PTK2B: variants seen among roughly 807,000 people sequenced by gnomAD.
PTK2B encodes protein-tyrosine kinase 2-beta.
PTK2B carries 71 observed loss-of-function variants against 142.9 expected under a neutral mutation model. That is an observed-to-expected ratio of 0.50 (90% CI 0.41 to 0.61). The LOEUF is 0.61. Among genes scored for constraint, PTK2B ranks in the 20% least tolerant of loss-of-function variants. PTK2B has a pLI of 0.00. For synonymous variants in PTK2B, 519 were observed against 503.4 expected (o/e 1.03, Z -0.42); for missense variants, 1,105 against 1,320.4 (o/e 0.84, Z 2.53).
In PTK2B at chr8:27,458,563, C is replaced by A; in HGVS notation, c.*54C>A. 1 of 1,519,478 alleles carries A rather than the reference C, an allele frequency of 6.6e-7. No homozygotes were observed. The highest frequency in any genetic ancestry group is 8.9e-7 in the Non-Finnish European group (1 of 1,125,516). 94.1% of individuals were successfully genotyped at this position (1,519,478 alleles called of 1,614,324 possible). A position where few individuals can be genotyped will look rare whatever the true frequency, so the allele number is the denominator to read the frequency against. On this transcript the variant is annotated 3_prime_UTR_variant, in exon 31 of 31. Coordinates refer to ENST00000346049, the MANE Select transcript of PTK2B (RefSeq NM_173176.3). ...TTCCGCCCCTGCCTGCCATGTACCT[C>A]CCCTGCCTTGCTGTTGGTCATGTGG...
chr8:27,346,251 T>G (rs1236008500), intron 1 of PTK2B, among the ~76,000 whole-genome samples: 1 of 152,212 alleles, frequency 6.6e-6, no homozygotes, highest in Admixed American at 6.5e-5. Flanking sequence ...GTACTTGCTT[T>G]CTTTGCGGGG....
chr8:27,375,512 T>C (rs1586187188), intron 1 of PTK2B, among the ~76,000 whole-genome samples: 1 of 152,304 alleles, frequency 6.6e-6, no homozygotes, highest in East Asian at 1.9e-4. Flanking sequence ...TTCTGACCTG[T>C]AGATCCAGGG....
chr8:27,434,375 G>C (rs1186769725), intron 12 of PTK2B, 138 bp from the exon 13 acceptor site: 13 of 1,110,244 alleles, frequency 1.2e-5, no homozygotes, highest in Admixed American at 2.5e-5. Flanking sequence ...AGCAGCCTGG[G>C]CTGTGCTCCC....
chr8:27,431,118 C>A, intron 8 of PTK2B, 102 bp downstream of exon 8: 1 of 1,519,388 alleles, frequency 6.6e-7, no homozygotes. Context: ...GCTGCAGATT[C>A]TCACTCAGGC....
At chr8:27,397,467 G>A (rs754936774) in intron 1 of PTK2B, 81 bp from the exon 2 acceptor site, 23 of 1,064,654 alleles carry the variant, frequency 2.2e-5, no homozygotes, top group African/African-American at 1.2e-4. Flanking sequence ...CTTGGAGCTC[G>A]GTGGGTGCTG....
At chr8:27,384,429 T>C (rs757843937) in intron 1 of PTK2B, among the ~76,000 whole-genome samples, 5 of 152,256 alleles carry the variant, frequency 3.3e-5, no homozygotes, top group Non-Finnish European at 5.9e-5. Flanking sequence ...GTGGAGTCTT[T>C]AGGTGTTTCT....
chr8:27,313,547 G>A (rs143259815), intron 3 of PTK2B, among the ~76,000 whole-genome samples: 1 of 152,266 alleles, frequency 6.6e-6, no homozygotes, highest in East Asian at 1.9e-4. Flanking sequence ...CCCACTTCTG[G>A]AGTCTTGCTG....
At chr8:27,356,362 C>A (rs1255691330) in intron 1 of PTK2B, among the ~76,000 whole-genome samples, 2 of 152,210 alleles carry the variant, frequency 1.3e-5, no homozygotes, top group Non-Finnish European at 2.9e-5. Context: ...CTGCAAGAGT[C>A]TGGCCAGGGA....
chr8:27,445,962 G>A lies in PTK2B; in HGVS notation c.2340+43G>A, dbSNP rs147967636. ...GCTGGTCCCTGCCCGGACTGAGGAG[G>A]CTGCTGGAGGGAGGTGGCCGGGGAC... On this transcript the variant is annotated intron_variant, in intron 24 of 30. Coordinates refer to ENST00000346049, the MANE Select transcript of PTK2B (RefSeq NM_173176.3). 1.6e-4 allele frequency: 254 copies of A among 1,609,194 alleles called. No individual in the cohort carries two copies. In the African/African-American group the frequency reaches 2.9e-3, roughly 18 times the overall value.
intron 1 of PTK2B, among the ~76,000 whole-genome samples, chr8:27,372,785 T>C (rs908226460): frequency 6.6e-6 from 1 of 152,094 alleles, no homozygotes; most frequent in Non-Finnish European, 1.5e-5. Flanking sequence ...CTAGCTGAGG[T>C]TGGGACAGAG....
chr8:27,362,450 T>G (rs1805768781), intron 1 of PTK2B, among the ~76,000 whole-genome samples: 1 of 152,226 alleles, frequency 6.6e-6, no homozygotes, highest in Admixed American at 6.5e-5. Flanking sequence ...CCTAGGGATT[T>G]ACTGTTGGGA....
At chr8:27,311,586 C>T (rs1381980725) in exon 1 of PTK2B, 3 of 325,626 alleles carry the variant, frequency 9.2e-6, no homozygotes, top group African/African-American at 2.2e-5. Context: ...AACCTACTTC[C>T]GGCTGCAAAT....
Position 27,458,913 on chromosome 8 carries a change from G to T in PTK2B, c.*404G>T, listed in dbSNP as rs917719368. 2.9e-6 allele frequency: 1 copy of T among 342,642 alleles called. No homozygotes were observed. Among genetic ancestry groups the T allele is most frequent in the Non-Finnish European group, 5.5e-6 (1 of 183,392 alleles). 21.2% of individuals were successfully genotyped at this position (342,642 alleles called of 1,614,324 possible). A position where few individuals can be genotyped will look rare whatever the true frequency, so the allele number is the denominator to read the frequency against. On this transcript the variant is annotated 3_prime_UTR_variant, in exon 31 of 31. Transcript: ENST00000346049. ...TTCCCTTCCTCTTCGGCCCTCAGAT[G>T]TCCCTTGATGCACAGAGAAGCTGGG...
At chr8:27,436,203 G>A (rs1810765360) in intron 14 of PTK2B, 48 bp from the exon 15 acceptor site, 2 of 1,584,326 alleles carry the variant, frequency 1.3e-6, no homozygotes, top group East Asian at 2.2e-5. Context: ...TTCCCTAGGG[G>A]ATACCACCGA....
At position 27,435,724 on chromosome 8, in the gene PTK2B, C is replaced by T. The variant is rs1258810675; in HGVS notation, c.1193-19C>T. The T allele has an allele frequency of 6.2e-7, 1 of 1,614,012 alleles. No individual in the cohort carries two copies. The highest frequency in any genetic ancestry group is 8.5e-7 in the Non-Finnish European group (1 of 1,179,928). ...CAAGGGCATCTTGTCCACGGCTGAG[C>T]CTCTTCCTGTTGTTCCAGAGTCAGA... On this transcript the variant is annotated intron_variant, in intron 13 of 30. Coordinates refer to ENST00000346049, the MANE Select transcript of PTK2B (RefSeq NM_173176.3).
chr8:27,454,132 G>C, intron 28 of PTK2B, 22 bp from the exon 29 acceptor site: 1 of 1,613,742 alleles, frequency 6.2e-7, no homozygotes, highest in South Asian at 1.1e-5. Context: ...CAACTCACTG[G>C]CCACCTGCGT....
At chr8:27,439,564 G>T (rs770222777) in intron 20 of PTK2B, among the ~76,000 whole-genome samples, 166 bp downstream of exon 20, 1 of 152,098 alleles carries the variant, frequency 6.6e-6, no homozygotes, top group Admixed American at 6.5e-5. Flanking sequence ...GGCCAGTAGG[G>T]GTAGGAAGGG....
chr8:27,447,795 G>C (rs1010504361), intron 24 of PTK2B, among the ~76,000 whole-genome samples: 1 of 152,158 alleles, frequency 6.6e-6, no homozygotes, highest in African/African-American at 2.4e-5. Flanking sequence ...GGAGGCAGAG[G>C]TTGCAGTGAG....
chr8:27,445,253 T>G (rs149592131), intron 23 of PTK2B, among the ~76,000 whole-genome samples: 438 of 151,938 alleles, frequency 2.9e-3, no homozygotes, highest in Non-Finnish European at 5.3e-3. Context: ...ATTTTTTAAT[T>G]AAAAAAAATT....
Sources: allele counts gnomAD v4.1 joint callset (sites outside exome capture counted in the v4.1 genomes callset), GRCh38; gene constraint gnomAD v4.1.1; transcripts MANE v1.5; gene names NCBI Gene and HGNC (gene_info 2026-07-23, HGNC 2026-07-21).